Variants in C3orf20 observed in about 807,000 individuals in gnomAD.
C3orf20 encodes uncharacterized protein C3orf20.
In C3orf20, 76 loss-of-function variants were observed where a neutral mutation model predicts 88.3. The observed-to-expected ratio is 0.86, with a 90% CI of 0.72 to 1.04. C3orf20 has a LOEUF of 1.04. Among genes scored for constraint, C3orf20 ranks in the 50% least tolerant of loss-of-function variants. C3orf20 has a pLI of 0.00. For missense variants in C3orf20, 1,056 were observed against 1,123.3 expected (o/e 0.94, Z 0.86); for synonymous variants, 436 against 437.4 (o/e 1.00, Z 0.04).
At chr3:14,685,790 C>T (rs1441191419) in intron 4 of C3orf20, among the ~76,000 whole-genome samples, 1 of 145,482 alleles carries the variant, frequency 6.9e-6, no homozygotes, top group Middle Eastern at 3.6e-3. Context: ...TTTTTTCTGG[C>T]TTTTTTTTCA....
intron 12 of C3orf20, among the ~76,000 whole-genome samples, chr3:14,733,339 A>G (rs960687168): frequency 2.0e-5 from 3 of 152,094 alleles, no homozygotes; most frequent in Admixed American, 6.5e-5. Context: ...CTTGGTTATG[A>G]TATATTTCCT....
intron 8 of C3orf20, 151 bp downstream of exon 8, chr3:14,714,310 T>G (rs2033864925): frequency 1.2e-6 from 1 of 819,406 alleles, no homozygotes; most frequent in Non-Finnish European, 1.9e-6. Context: ...CTGAGGCTGT[T>G]TCTGCAGGGA....
In C3orf20 at chr3:14,757,680, T is replaced by A; in HGVS notation, c.2244+6T>A. ...GTGGCTCCCCCTGCATCCAGGTTGG[T>A]CTGGGCCCAGTGAGGAGGCCCTGGA... On this transcript the variant is annotated splice_donor_region_variant and intron_variant, in intron 13 of 16. Coordinates refer to ENST00000253697, the MANE Select transcript of C3orf20 (RefSeq NM_032137.5). 6.2e-7 allele frequency: 1 copy of A among 1,607,120 alleles called. No individual in the cohort carries two copies. Among genetic ancestry groups the A allele is most frequent in the Non-Finnish European group, 8.5e-7 (1 of 1,175,500 alleles).
At chr3:14,713,314 C>T (rs1425468583) in intron 7 of C3orf20, among the ~76,000 whole-genome samples, 1 of 152,088 alleles carries the variant, frequency 6.6e-6, no homozygotes, top group Non-Finnish European at 1.5e-5. Flanking sequence ...TGATGGCCTC[C>T]CACAGGTCCC....
In C3orf20 at chr3:14,768,898, C is replaced by A. The variant is rs1371911151; in HGVS notation, c.2496-3169C>A. On this transcript the variant is annotated intron_variant, in intron 15 of 16. Coordinates refer to ENST00000253697, the MANE Select transcript of C3orf20 (RefSeq NM_032137.5). The surrounding 1 kb of genome is among the most constrained non-coding windows in gnomAD (Gnocchi z 4.1). Reference sequence around the variant, plus strand: ...TTGCTTATCCCTGACCAAGGATGGTCTCAGAATCAACCTCTAGATTAGTCT... The same window carrying A: ...TTGCTTATCCCTGACCAAGGATGGTATCAGAATCAACCTCTAGATTAGTCT... 6.6e-6 allele frequency among the ~76,000 whole-genome samples: 1 copy of A among 152,048 alleles called. No individual in the cohort carries two copies. Among genetic ancestry groups the A allele is most frequent in the African/African-American group, 2.4e-5 (1 of 41,342 alleles).
chr3:14,692,632 C>T (rs1170645142), intron 5 of C3orf20, among the ~76,000 whole-genome samples: 2 of 151,940 alleles, frequency 1.3e-5, no homozygotes, highest in Non-Finnish European at 2.9e-5. Context: ...TATATATTCT[C>T]GTCTGGTCAA....
At chr3:14,755,477 T>C (rs2035335634) in intron 12 of C3orf20, among the ~76,000 whole-genome samples, 1 of 152,216 alleles carries the variant, frequency 6.6e-6, no homozygotes, top group Non-Finnish European at 1.5e-5. Flanking sequence ...GGGTAAGCTA[T>C]AATTAATAGA....
In C3orf20 at chr3:14,772,297, C is replaced by T; in HGVS notation, c.2630+96C>T. On this transcript the variant is annotated intron_variant, in intron 16 of 16. Transcript: ENST00000253697. This position sits in a 1 kb window ranked among gnomAD's most constrained non-coding sequence, Gnocchi z 4.2. ...GGCAAGTCACTACCCCCAGGCGTGG[C>T]CTGGGTCATGTCCAACCATCGCTGA... 10 of 1,500,018 alleles carry T rather than the reference C, an allele frequency of 6.7e-6. No homozygotes were observed. Among genetic ancestry groups the T allele is most frequent in the Non-Finnish European group, 9.2e-6 (10 of 1,089,642 alleles). The allele number at this position is 1,500,018 out of a possible 1,614,324, so 92.9% of individuals were successfully genotyped here. A position where few individuals can be genotyped will look rare whatever the true frequency, so the allele number is the denominator to read the frequency against.
In C3orf20 at chr3:14,748,903, A is replaced by G. The variant is rs80134349; in HGVS notation, c.1941-8468A>G. On this transcript the variant is annotated intron_variant, in intron 12 of 16. Transcript: ENST00000253697. ...TGTCCTGAAGAATGTTCCATGTGCA[A>G]TAGAGAAGAATGTGTGTTTTGCGGT... 4.8e-3 allele frequency among the ~76,000 whole-genome samples: 731 copies of G among 152,258 alleles called. 6 individuals are homozygous for G. Among genetic ancestry groups the G allele is most frequent in the African/African-American group, 0.017 (695 of 41,566 alleles).
intron 12 of C3orf20, among the ~76,000 whole-genome samples, chr3:14,738,630 CTTTTTTT>C (rs34407504): frequency 9.5e-5 from 7 of 73,480 alleles, no homozygotes; most frequent in African/African-American, 4.4e-4. Flanking sequence ...CATGCCCGGC[CTTTTTTT>C]TTTTTTTTTT....
In C3orf20 at chr3:14,762,549, T is replaced by G. The variant is rs142240956; in HGVS notation, c.2495+934T>G. On this transcript the variant is annotated intron_variant, in intron 15 of 16. Coordinates refer to ENST00000253697, the MANE Select transcript of C3orf20 (RefSeq NM_032137.5). ...TGCTCCACTCTACTGGCTGGGTGACTGTGGTGAATCAGTTTACCTCCCTAA... is the reference window on the plus strand; with the variant it reads ...TGCTCCACTCTACTGGCTGGGTGACGGTGGTGAATCAGTTTACCTCCCTAA... 5.1e-3 allele frequency among the ~76,000 whole-genome samples: 776 copies of G among 152,304 alleles called. 6 individuals carry two copies. The highest frequency in any genetic ancestry group is 0.01 in the East Asian group (52 of 5,178).
At chr3:14,759,496 T>C (rs2035491415) in intron 13 of C3orf20, among the ~76,000 whole-genome samples, 1 of 152,136 alleles carries the variant, frequency 6.6e-6, no homozygotes, top group African/African-American at 2.4e-5. Flanking sequence ...GAATTCTTTA[T>C]GCTGTGTAAA....
Position 14,684,282 on chromosome 3 carries a change from G to T in C3orf20, c.525G>T (p.Glu175Asp). 1 of 1,614,176 alleles carries T rather than the reference G, an allele frequency of 6.2e-7. No homozygotes were observed. The highest frequency in any genetic ancestry group is 8.5e-7 in the Non-Finnish European group (1 of 1,180,038). Residue 175 changes from glutamate to aspartate, a missense_variant, in exon 4 of 17, where the codon GAG (glutamate) becomes GAT (aspartate). Physicochemically the swap from Glu to Asp is conservative, Grantham distance 45. Coordinates refer to ENST00000253697, the MANE Select transcript of C3orf20 (RefSeq NM_032137.5). Reference protein sequence around the residue: ...NPLDITRRFVEASQLLHLNAK... With the variant: ...NPLDITRRFVDASQLLHLNAK... ...TGGACATCACCAGGCGCTTTGTGGA[G>T]GCCAGCCAGCTCCTCCACCTCAATG...
At chr3:14,677,868 C>G (rs1214499553) in intron 1 of C3orf20, among the ~76,000 whole-genome samples, 1 of 152,136 alleles carries the variant, frequency 6.6e-6, no homozygotes, top group Non-Finnish European at 1.5e-5. Flanking sequence ...CCTTGGCTAA[C>G]CCCTAGCAGC....
intron 4 of C3orf20, among the ~76,000 whole-genome samples, chr3:14,685,493 C>CGTGT (rs1233005428): frequency 1.5e-5 from 2 of 130,474 alleles, no homozygotes; most frequent in African/African-American, 2.9e-5. Flanking sequence ...TGCGTGCGTG[C>CGTGT]GTGTGTGTGT....
intron 7 of C3orf20, among the ~76,000 whole-genome samples, chr3:14,712,956 G>A (rs947816203): frequency 6.6e-6 from 1 of 151,892 alleles, no homozygotes; most frequent in Non-Finnish European, 1.5e-5. Context: ...TTTCCTTCGA[G>A]GTCTTTAGAT....
intron 12 of C3orf20, among the ~76,000 whole-genome samples, chr3:14,750,629 C>T (rs1028460837): frequency 2.0e-4 from 31 of 151,652 alleles, no homozygotes; most frequent in African/African-American, 6.5e-4. Context: ...TAAATATGTC[C>T]GCCCACTGCC....
intron 15 of C3orf20, among the ~76,000 whole-genome samples, chr3:14,764,480 TTTA>T (rs374160361): frequency 0.057 from 8,409 of 148,690 alleles, 525 homozygotes; most frequent in African/African-American, 0.16. Context: ...AACACAATCG[TTTA>T]TTATTATTAT....
intron 14 of C3orf20, among the ~76,000 whole-genome samples, chr3:14,761,236 G>A (rs1289963101): frequency 6.9e-6 from 1 of 144,448 alleles, no homozygotes; most frequent in Non-Finnish European, 1.5e-5. Flanking sequence ...CAGGCCCCCA[G>A]ATCATAGGGC....
Sources: gnomAD v4.1 joint callset for allele counts (sites outside exome capture counted in the v4.1 genomes callset) on GRCh38, gnomAD v4.1.1 for gene constraint, Gnocchi (gnomAD v3.1) non-coding constraint, MANE v1.5 for transcripts, NCBI Gene and HGNC (gene_info 2026-07-23, HGNC 2026-07-21) for gene names.